GIGYF1: variants seen among roughly 807,000 people sequenced by gnomAD.
GIGYF1 encodes GRB10-interacting GYF protein 1.
Under a neutral mutation model 147.1 loss-of-function variants are expected in GIGYF1, and 84 were observed. The observed-to-expected ratio is 0.57, with a 90% CI of 0.48 to 0.68. The LOEUF (loss-of-function observed/expected upper bound fraction) is 0.68. Ranked by LOEUF, GIGYF1 falls within the 30% of genes least tolerant of loss-of-function variation. The pLI is 0.00. For synonymous variants in GIGYF1, 752 were observed against 589.5 expected, an observed-to-expected ratio of 1.28 and a Z score of -3.99; for missense variants, 1,485 against 1,393.7, an observed-to-expected ratio of 1.07 and a Z score of -1.04.
At chr7:100,686,623 C>T (rs11975502) in intron 10 of GIGYF1, 26 bp downstream of exon 10, 3 of 1,593,664 alleles carry the variant, frequency 1.9e-6, no homozygotes, top group Non-Finnish European at 2.6e-6. Flanking sequence ...ACTGCCCCCG[C>T]CAATGCTACC....
In GIGYF1 at chr7:100,686,554, C is replaced by A. The variant is rs941743018; in HGVS notation, c.694+95G>T. ...TCCCGGCCACTCCCACACCAGCCAG[C>A]CTCTGCTCCCTCCCCGTGGCTACAG... On this transcript the variant is annotated intron_variant, in intron 10 of 26. Transcript: ENST00000678049. 1.8e-5 allele frequency: 27 copies of A among 1,525,966 alleles called. No homozygotes were observed. In the South Asian group the frequency reaches 1.9e-4, roughly 11 times the overall value. The allele number at this position is 1,525,966 out of a possible 1,614,324, so 94.5% of individuals were successfully genotyped here.
chr7:100,691,953 C>A, intron 1 of GIGYF1, among the ~76,000 whole-genome samples: 1 of 152,280 alleles, frequency 6.6e-6, no homozygotes, highest in East Asian at 1.9e-4. Flanking sequence ...AGACAGAGAA[C>A]AGGCGGTCCC....
rs1562871907 is a variant in GIGYF1, at chr7:100,683,327, C to T, written c.2170G>A (p.Glu724Lys). The part of the protein sequence containing the change: ...QEEQKRRQEE[E>K]ELFRRKHVRQ... ...ACGTGCTTGCGCCGAAACAGCTCTTCCTCCTCCTGCCGCCGCTTCTGCTCC... is the reference window on the plus strand; with the variant it reads ...ACGTGCTTGCGCCGAAACAGCTCTTTCTCCTCCTGCCGCCGCTTCTGCTCC... The change falls in exon 21 of 27, where the codon GAA becomes AAA. Residue 724 changes from glutamate (E) to lysine (K), a missense_variant. Coordinates refer to ENST00000678049, the MANE Select transcript of GIGYF1 (RefSeq NM_001375765.1). 2 of 1,613,864 alleles carry T rather than the reference C, an allele frequency of 1.2e-6. No homozygotes were observed. The highest frequency in any genetic ancestry group is 1.3e-5 in the African/African-American group (1 of 75,070).
rs1435304429 is a variant in GIGYF1 at position 100,687,052 on chromosome 7, G to A, written c.483-6C>T. The A allele has an allele frequency of 1.2e-6, 2 of 1,613,742 alleles. No individual in the cohort carries two copies. Among genetic ancestry groups the A allele is most frequent in the Non-Finnish European group, 8.5e-7 (1 of 1,180,036 alleles). ...TCTCAAACCGCCTCTCGCCTCTGCA[G>A]CAGGGGAAACGTGTGGGTCAGAAAC... On this transcript the variant is annotated splice_region_variant and splice_polypyrimidine_tract_variant and intron_variant, in intron 8 of 26. Transcript: ENST00000678049.
At position 100,687,045 on chromosome 7, in the gene GIGYF1, C is replaced by CT; in HGVS notation, c.483dup (p.Gly162ArgfsTer6). 6.2e-7 allele frequency: 1 copy of CT among 1,613,912 alleles called. No homozygotes were observed. Among genetic ancestry groups the CT allele is most frequent in the Non-Finnish European group, 8.5e-7 (1 of 1,180,034 alleles). The stretch of plus-strand genomic sequence containing the variant: ...GCTGACTTCTCAAACCGCCTCTCGC[C>CT]TCTGCAGCAGGGGAAACGTGTGGGT... On this transcript the variant is annotated frameshift_variant and splice_region_variant, in exon 9 of 27. Transcript: ENST00000678049. LOFTEE classifies it high-confidence loss of function.
Position 100,681,480 on chromosome 7 carries a change from A to G in GIGYF1, c.*239T>C. 2 of 401,742 alleles carry G rather than the reference A, an allele frequency of 5.0e-6. No individual in the cohort carries two copies. Among genetic ancestry groups the G allele is most frequent in the Non-Finnish European group, 4.4e-6 (1 of 228,410 alleles). The allele number at this position is 401,742 out of a possible 1,614,324, so 24.9% of individuals were successfully genotyped here. A position where few individuals can be genotyped will look rare whatever the true frequency, so the allele number is the denominator to read the frequency against. ...TTTAACAATATTTTTGCCTCTCCTA[A>G]TGTTTTCTTCAGTCGTTTAAAATTA... On this transcript the variant is annotated 3_prime_UTR_variant, in exon 27 of 27. Coordinates refer to ENST00000678049, the MANE Select transcript of GIGYF1 (RefSeq NM_001375765.1).
In GIGYF1 at chr7:100,682,380, G is replaced by A; in HGVS notation, c.2703C>T (p.Gly901=). Residue 901 remains glycine (G), a synonymous_variant, in exon 24 of 27, where the codon GGC becomes GGT. Transcript: ENST00000678049. ...LLQGIPRPQD[G]FTQWCEQMLH... ...GCATCTGCTCGCACCACTGGGTGAA[G>A]CCGTCCTGGGGCCTGGGAATGCCCT... 2 of 1,613,684 alleles carry A rather than the reference G, an allele frequency of 1.2e-6. No homozygotes were observed. Among genetic ancestry groups the A allele is most frequent in the South Asian group, 1.1e-5 (1 of 91,090 alleles).
rs1805256089 is a variant in GIGYF1 at position 100,685,687 on chromosome 7, CACA to C, written c.1055-209_1055-207del. The stretch of plus-strand genomic sequence containing the variant: ...GCTGCCAGACGCGGCAGGAACATAT[CACA>C]ACATCGCACAACACCACACAACACC... On this transcript the variant is annotated intron_variant, in intron 12 of 26. Transcript: ENST00000678049. 2.0e-5 allele frequency among the ~76,000 whole-genome samples: 3 copies of C among 152,308 alleles called. 1 individual carries two copies. The highest frequency in any genetic ancestry group is 4.1e-4 in the South Asian group (2 of 4,834).
rs1181548169 is a variant in GIGYF1, at chr7:100,688,663, G to C, written c.-206C>G. On this transcript the variant is annotated 5_prime_UTR_variant, in exon 2 of 27. Coordinates refer to ENST00000678049, the MANE Select transcript of GIGYF1 (RefSeq NM_001375765.1). ...GTGAACGAGGGTACCCAAGCCACTG[G>C]GAATTGGTCTGACCTCAGTAGAGCC... The C allele has an allele frequency of 2.5e-6, 1 of 404,448 alleles. No individual in the cohort carries two copies. The highest frequency in any genetic ancestry group is 2.1e-5 in the African/African-American group (1 of 48,668). 25.1% of individuals were successfully genotyped at this position (404,448 alleles called of 1,614,324 possible).
chr7:100,684,402 C>T (rs757369511), intron 16 of GIGYF1, 48 bp downstream of exon 16: 12 of 1,605,770 alleles, frequency 7.5e-6, no homozygotes, highest in Middle Eastern at 1.7e-4. Flanking sequence ...GGACTCCTGC[C>T]GGCACCCCTC....
chr7:100,687,232 C>A (rs541143107), intron 8 of GIGYF1, 66 bp downstream of exon 8: 3 of 1,514,816 alleles, frequency 2.0e-6, no homozygotes, highest in Non-Finnish European at 2.7e-6. Context: ...TACCCTCTAG[C>A]GACAGGGCCC....
At position 100,687,771 on chromosome 7, in the gene GIGYF1, T is replaced by C. The variant is rs930802706; in HGVS notation, c.261+17A>G. 1 of 1,605,442 alleles carries C rather than the reference T, an allele frequency of 6.2e-7. No individual in the cohort carries two copies. The highest frequency in any genetic ancestry group is 8.5e-7 in the Non-Finnish European group (1 of 1,177,684). On this transcript the variant is annotated intron_variant, in intron 6 of 26. Coordinates refer to ENST00000678049, the MANE Select transcript of GIGYF1 (RefSeq NM_001375765.1). ...CCTCCCAGGCTCCCGCAGCCTCAGCTCCTGGCCCGGTCCCACCTGTTCCTC... is the reference window on the plus strand; with the variant it reads ...CCTCCCAGGCTCCCGCAGCCTCAGCCCCTGGCCCGGTCCCACCTGTTCCTC...
chr7:100,691,289 T>C (rs919292746), intron 1 of GIGYF1, among the ~76,000 whole-genome samples: 1 of 152,124 alleles, frequency 6.6e-6, no homozygotes, highest in African/African-American at 2.4e-5. Flanking sequence ...TGACTCCAGA[T>C]ACCAAGTGCG....
chr7:100,685,004 G>C (rs999436762), intron 14 of GIGYF1, 45 bp downstream of exon 14: 1 of 1,554,322 alleles, frequency 6.4e-7, no homozygotes, highest in African/African-American at 1.4e-5. Context: ...AGCAGGTCAG[G>C]TCAGAAGTGG....
Position 100,686,722 on chromosome 7 carries a change from C to G in GIGYF1, c.621G>C (p.Glu207Asp), listed in dbSNP as rs201837974. 6.2e-7 allele frequency: 1 copy of G among 1,613,746 alleles called. No homozygotes were observed. Among genetic ancestry groups the G allele is most frequent in the East Asian group, 2.2e-5 (1 of 44,858 alleles). Residue 207 changes from glutamate (E) to aspartate (D), a missense_variant, in exon 10 of 27, where the codon GAG becomes GAC. Coordinates refer to ENST00000678049, the MANE Select transcript of GIGYF1 (RefSeq NM_001375765.1). ...CGAGCCTCCAGCTGCCCTCCTCCTC[C>G]TCCTCCTGTTCCTCCCGTAGGGAGC... is the stretch of plus-strand genomic sequence containing the variant. The part of the protein sequence containing the change: ...NWRSLREEQE[E>D]EEEGSWRLGA...
chr7:100,681,928 G>T lies in GIGYF1; in HGVS notation c.2991C>A (p.Gly997=). The T allele has an allele frequency of 6.2e-7, 1 of 1,610,300 alleles. No homozygotes were observed. The highest frequency in any genetic ancestry group is 1.1e-5 in the South Asian group (1 of 91,074). Residue 997 remains glycine (G), a synonymous_variant, in exon 26 of 27, where the codon GGC becomes GGA. Coordinates refer to ENST00000678049, the MANE Select transcript of GIGYF1 (RefSeq NM_001375765.1). ...AFQANHSTKL[G]PGEGSKAKRR... The stretch of plus-strand genomic sequence containing the variant: ...TCTTGGCCTTGCTGCCCTCCCCGGG[G>T]CCGAGTTTGGTGCTGTGGTTGGCCT...
At chr7:100,693,179 T>TC (rs1805952864) in intron 1 of GIGYF1, among the ~76,000 whole-genome samples, 1 of 152,096 alleles carries the variant, frequency 6.6e-6, no homozygotes, top group African/African-American at 2.4e-5. Flanking sequence ...ATGTAGCATC[T>TC]CCTAGTTCCT....
Position 100,686,508 on chromosome 7 carries a change from G to C in GIGYF1, c.695-75C>G. 8.5e-6 allele frequency: 13 copies of C among 1,523,704 alleles called. No homozygotes were observed. The South Asian group carries it at 1.6e-4, about 19-fold the overall frequency. 94.4% of individuals were successfully genotyped at this position (1,523,704 alleles called of 1,614,324 possible). A position where few individuals can be genotyped will look rare whatever the true frequency, so the allele number is the denominator to read the frequency against. On this transcript the variant is annotated intron_variant, in intron 10 of 26. Coordinates refer to ENST00000678049, the MANE Select transcript of GIGYF1 (RefSeq NM_001375765.1). ...AGCGGCCCCCTCTGCTGCAGCTCAC[G>C]GAGCACCTCCAGGGCTGCTGTCCCG...
chr7:100,690,120 T>G (rs1805713691), intron 1 of GIGYF1, among the ~76,000 whole-genome samples: 1 of 152,198 alleles, frequency 6.6e-6, no homozygotes. Flanking sequence ...GTCTCCAAAT[T>G]TTGTTGTATA....
Sources: allele counts gnomAD v4.1 joint callset (sites outside exome capture counted in the v4.1 genomes callset), GRCh38; gene constraint gnomAD v4.1.1; transcripts MANE v1.5; gene names NCBI Gene and HGNC (gene_info 2026-07-23, HGNC 2026-07-21).